Variants in SPOCK1 observed in about 807,000 individuals in gnomAD.
The protein encoded by SPOCK1 is testican-1.
A neutral mutation model predicts 55.3 loss-of-function variants in SPOCK1; 23 were observed. The ratio of observed to expected loss-of-function variants is 0.42; its 90% CI spans 0.30 to 0.59. The LOEUF is 0.59. SPOCK1 is among the 20% of genes least tolerant of loss of function. SPOCK1 has a pLI of 0.22. For synonymous variants in SPOCK1, 226 were observed against 221.0 expected (o/e 1.02, Z -0.20); for missense variants, 499 against 552.5 (o/e 0.90, Z 0.97).
chr5:137,167,454 A>G (rs921541357), intron 3 of SPOCK1, among the ~76,000 whole-genome samples: 7 of 149,926 alleles, frequency 4.7e-5, no homozygotes, highest in African/African-American at 1.4e-4. Flanking sequence ...AATCTGCACT[A>G]TAGACCAAAT....
intron 2 of SPOCK1, among the ~76,000 whole-genome samples, chr5:137,366,892 A>C (rs1751082577): frequency 6.6e-6 from 1 of 152,192 alleles, no homozygotes; most frequent in South Asian, 2.1e-4. Flanking sequence ...AAAACAAGAA[A>C]AGTATCAGAC....
intron 2 of SPOCK1, among the ~76,000 whole-genome samples, chr5:137,301,178 T>C (rs1167836625): frequency 2.0e-5 from 3 of 152,186 alleles, no homozygotes; most frequent in Admixed American, 6.5e-5. Flanking sequence ...CCAGGACCTA[T>C]AGAGGGACCT....
At chr5:137,213,841 T>C (rs1936932544) in intron 3 of SPOCK1, among the ~76,000 whole-genome samples, 1 of 152,188 alleles carries the variant, frequency 6.6e-6, no homozygotes, top group Non-Finnish European at 1.5e-5. Flanking sequence ...AGCAAGGCCC[T>C]GGAACCAAAT....
intron 6 of SPOCK1, among the ~76,000 whole-genome samples, chr5:137,026,985 C>G (rs376139927): frequency 1.3e-5 from 2 of 152,180 alleles, no homozygotes; most frequent in African/African-American, 4.8e-5. Context: ...AGTAAATATC[C>G]TTTAAATGAA....
At chr5:137,224,903 G>C (rs147422955) in intron 3 of SPOCK1, among the ~76,000 whole-genome samples, 1 of 152,056 alleles carries the variant, frequency 6.6e-6, no homozygotes, top group Non-Finnish European at 1.5e-5. Flanking sequence ...GCACAGGCCC[G>C]GCCCAATTTA....
At chr5:137,040,523 C>T (rs191153653) in intron 6 of SPOCK1, among the ~76,000 whole-genome samples, 7 of 152,290 alleles carry the variant, frequency 4.6e-5, no homozygotes, top group African/African-American at 1.2e-4. Context: ...CTGCCTGAGA[C>T]GTTTAGCAAT....
chr5:137,270,354 T>A (rs945557044), intron 2 of SPOCK1, among the ~76,000 whole-genome samples: 2 of 152,176 alleles, frequency 1.3e-5, no homozygotes, highest in Non-Finnish European at 2.9e-5. Context: ...AAGATGCATA[T>A]CTAAATATAG....
intron 5 of SPOCK1, among the ~76,000 whole-genome samples, chr5:137,112,110 G>A (rs1465541955): frequency 1.3e-5 from 2 of 152,102 alleles, no homozygotes; most frequent in African/African-American, 4.8e-5. Context: ...CCCATCAGTT[G>A]AGCTATATGA....
intron 3 of SPOCK1, among the ~76,000 whole-genome samples, chr5:137,149,181 T>C (rs1754265111): frequency 6.6e-6 from 1 of 152,176 alleles, no homozygotes; most frequent in African/African-American, 2.4e-5. Context: ...GTTCCTTCCG[T>C]GAGGGGTTTC....
chr5:137,135,905 TTG>T (rs551599468), intron 4 of SPOCK1, among the ~76,000 whole-genome samples: 82 of 152,336 alleles, frequency 5.4e-4, no homozygotes, highest in African/African-American at 1.6e-3. Context: ...GACATTTGGG[TTG>T]TTTCACAGTT....
intron 5 of SPOCK1, among the ~76,000 whole-genome samples, chr5:137,075,824 T>C (rs1025145166): frequency 2.8e-4 from 42 of 152,284 alleles, no homozygotes; most frequent in African/African-American, 1.0e-3. Flanking sequence ...GCTCCCAAAC[T>C]GCACACAAGG....
At chr5:137,097,624 T>C (rs2127023165) in intron 5 of SPOCK1, among the ~76,000 whole-genome samples, 1 of 152,300 alleles carries the variant, frequency 6.6e-6, no homozygotes, top group South Asian at 2.1e-4. Flanking sequence ...ACATTCCCCC[T>C]TGCAATGCTG....
At chr5:137,397,956 A>G (rs942616912) in intron 2 of SPOCK1, among the ~76,000 whole-genome samples, 2 of 152,152 alleles carry the variant, frequency 1.3e-5, no homozygotes, top group African/African-American at 2.4e-5. Flanking sequence ...AAAATTTCCC[A>G]AAGAAAAGAG....
At chr5:137,273,427 C>A in intron 2 of SPOCK1, 1 of 957,978 alleles carries the variant, frequency 1.0e-6, no homozygotes, top group Non-Finnish European at 1.2e-6. Context: ...ATAAAAGAAT[C>A]ACATCAAACA....
intron 2 of SPOCK1, among the ~76,000 whole-genome samples, chr5:137,375,800 C>T (rs1349218562): frequency 1.3e-5 from 2 of 152,164 alleles, no homozygotes; most frequent in African/African-American, 2.4e-5. Flanking sequence ...CTAATGGGAG[C>T]TTTGTGCTCC....
chr5:137,197,014 G>T (rs566529607), intron 3 of SPOCK1, among the ~76,000 whole-genome samples: 38 of 152,184 alleles, frequency 2.5e-4, no homozygotes, highest in Non-Finnish European at 5.0e-4. Flanking sequence ...AGGCAAAGAG[G>T]TTGACCAAAG....
rs191827420 is a variant in SPOCK1 at position 137,107,372 on chromosome 5, A to T, written c.474+5063T>A. 9.0e-4 allele frequency among the ~76,000 whole-genome samples: 137 copies of T among 152,316 alleles called. 1 individual carries two copies. Among genetic ancestry groups the T allele is most frequent in the African/African-American group, 3.2e-3 (133 of 41,566 alleles). On this transcript the variant is annotated intron_variant, in intron 5 of 10. Transcript: ENST00000394945. The stretch of plus-strand genomic sequence containing the variant: ...CAGTATCAAGAGTAGTTAAGAAATT[A>T]CTACGGCGATCCTTACTGCCTGGAA...
intron 2 of SPOCK1, among the ~76,000 whole-genome samples, chr5:137,282,383 T>C (rs1757182772): frequency 6.6e-6 from 1 of 152,240 alleles, no homozygotes; most frequent in South Asian, 2.1e-4. Flanking sequence ...CAGCTTAAGG[T>C]ATGCAGCTCA....
intron 2 of SPOCK1, among the ~76,000 whole-genome samples, chr5:137,467,028 G>C (rs1277271220): frequency 6.6e-6 from 1 of 152,210 alleles, no homozygotes; most frequent in African/African-American, 2.4e-5. Context: ...GGAACTACTG[G>C]GCTGAGAGCC....
Sources: gnomAD v4.1 joint callset for allele counts (sites outside exome capture counted in the v4.1 genomes callset) on GRCh38, gnomAD v4.1.1 for gene constraint, MANE v1.5 for transcripts, NCBI Gene and HGNC (gene_info 2026-07-23, HGNC 2026-07-21) for gene names.